RBMS1: variants seen among roughly 807,000 people sequenced by gnomAD.
RBMS1 encodes the protein RNA-binding motif, single-stranded-interacting protein 1.
A neutral mutation model predicts 62.3 loss-of-function variants in RBMS1; 17 were observed. That is an observed-to-expected ratio of 0.27 (90% CI 0.19 to 0.41). RBMS1 has a LOEUF of 0.41. Ranked by LOEUF, RBMS1 falls within the 10% of genes least tolerant of loss-of-function variation. The pLI, the probability that RBMS1 is intolerant of heterozygous loss-of-function variation, is 1.00. For missense variants in RBMS1, 334 were observed against 504.5 expected (o/e 0.66, Z 3.24); for synonymous variants, 172 against 170.0 (o/e 1.01, Z -0.09).
chr2:160,350,584 G>C (rs1692438236), intron 2 of RBMS1, among the ~76,000 whole-genome samples: 1 of 152,102 alleles, frequency 6.6e-6, no homozygotes, highest in South Asian at 2.1e-4. Context: ...GGAAAAGAAA[G>C]GAATGAACAA....
At chr2:160,316,809 T>C (rs890412761) in intron 3 of RBMS1, among the ~76,000 whole-genome samples, 2 of 151,820 alleles carry the variant, frequency 1.3e-5, no homozygotes, top group African/African-American at 2.4e-5. Context: ...AAACCACTTG[T>C]CTACTCTGAT....
chr2:160,360,180 G>C (rs1283499358), intron 2 of RBMS1, among the ~76,000 whole-genome samples: 2 of 152,136 alleles, frequency 1.3e-5, no homozygotes, highest in African/African-American at 4.8e-5. Flanking sequence ...AAAAATAAAA[G>C]CATGGTCAAA....
At chr2:160,378,968 C>T (rs1694142382) in intron 1 of RBMS1, among the ~76,000 whole-genome samples, 1 of 152,192 alleles carries the variant, frequency 6.6e-6, no homozygotes, top group African/African-American at 2.4e-5. Flanking sequence ...GCCTATAATC[C>T]CAGCACTTTG....
chr2:160,331,954 C>T (rs942244222), intron 2 of RBMS1, among the ~76,000 whole-genome samples: 2 of 152,094 alleles, frequency 1.3e-5, no homozygotes, highest in Non-Finnish European at 2.9e-5. Context: ...AAAATAGGTG[C>T]CATGGATTTG....
intron 1 of RBMS1, among the ~76,000 whole-genome samples, chr2:160,417,134 C>T (rs932276969): frequency 3.3e-5 from 5 of 152,066 alleles, no homozygotes; most frequent in Admixed American, 6.5e-5. Flanking sequence ...AGTTTTCTTG[C>T]GCGTGCACAC....
intron 1 of RBMS1, among the ~76,000 whole-genome samples, chr2:160,445,901 T>C (rs141631843): frequency 9.7e-4 from 147 of 152,256 alleles, no homozygotes; most frequent in African/African-American, 3.3e-3. Flanking sequence ...GCCTTGTTGC[T>C]GAGGTCTGAC....
intron 1 of RBMS1, among the ~76,000 whole-genome samples, chr2:160,481,074 G>A (rs1574113130): frequency 2.0e-5 from 2 of 99,364 alleles, no homozygotes; most frequent in Admixed American, 2.5e-4. Context: ...GAGTGAGACT[G>A]CCTTAAAAAA....
At chr2:160,474,933 C>T (rs994367976) in intron 1 of RBMS1, among the ~76,000 whole-genome samples, 2 of 152,226 alleles carry the variant, frequency 1.3e-5, no homozygotes, top group East Asian at 3.9e-4. Context: ...CTTTCACATT[C>T]TTGTTGAATA....
Position 160,273,606 on chromosome 2 carries a change from T to C in RBMS1, c.*1166A>G, listed in dbSNP as rs1231633055. ...CTTACTTTTAGCTTTTGCCACTTTG[T>C]TGCAATAGCAACATTTTTCGGTTTG... On this transcript the variant is annotated 3_prime_UTR_variant, in exon 14 of 14. Transcript: ENST00000348849. 1 of 152,226 alleles carries C rather than the reference T, an allele frequency of 6.6e-6. No homozygotes were observed. Among genetic ancestry groups the C allele is most frequent in the Non-Finnish European group, 1.5e-5 (1 of 68,042 alleles). 9.4% of individuals were successfully genotyped at this position (152,226 alleles called of 1,614,324 possible).
At chr2:160,368,467 C>CA (rs1412403259) in intron 1 of RBMS1, among the ~76,000 whole-genome samples, 1 of 152,132 alleles carries the variant, frequency 6.6e-6, no homozygotes, top group African/African-American at 2.4e-5. Context: ...GGAGACAAAT[C>CA]AAATCCCACA....
intron 1 of RBMS1, among the ~76,000 whole-genome samples, chr2:160,456,773 TC>T (rs572792507): frequency 9.7e-4 from 148 of 152,294 alleles, no homozygotes; most frequent in African/African-American, 3.3e-3. Flanking sequence ...CAATGTGACC[TC>T]CCCTTCTTCC....
At chr2:160,370,402 A>G (rs1693659565) in intron 1 of RBMS1, among the ~76,000 whole-genome samples, 1 of 152,194 alleles carries the variant, frequency 6.6e-6, no homozygotes, top group Non-Finnish European at 1.5e-5. Flanking sequence ...TGGGAGGCCG[A>G]GGTGGGTGGA....
chr2:160,383,536 C>T (rs1487088932), intron 1 of RBMS1, among the ~76,000 whole-genome samples: 1 of 150,780 alleles, frequency 6.6e-6, no homozygotes, highest in South Asian at 2.1e-4. Flanking sequence ...AATAAGTATA[C>T]AAAATGATGG....
chr2:160,469,884 G>A (rs1684850447), intron 1 of RBMS1, among the ~76,000 whole-genome samples: 1 of 152,154 alleles, frequency 6.6e-6, no homozygotes, highest in African/African-American at 2.4e-5. Context: ...ATCAGGGAGG[G>A]GCTAGAAATT....
Position 160,493,542 on chromosome 2 carries a change from T to TTCCTCCTCC in RBMS1, c.-188_-180dup, listed in dbSNP as rs925937562. ...AGACGTCCTCCTCCTCCTCCTCCTCTTCCTCCTCCTCCTCCTCCTCCTCCT... is the reference window on the plus strand; with the variant it reads ...AGACGTCCTCCTCCTCCTCCTCCTCTTCCTCCTCCTCCTCCTCCTCCTCCTCCTCCTCCT... On this transcript the variant is annotated 5_prime_UTR_variant, in exon 1 of 14. Coordinates refer to ENST00000348849, the MANE Select transcript of RBMS1 (RefSeq NM_016836.4). 1.5e-4 allele frequency: 76 copies of TTCCTCCTCC among 494,930 alleles called. No individual in the cohort carries two copies. The highest frequency in any genetic ancestry group is 7.4e-4 in the African/African-American group (29 of 39,388). 30.7% of individuals were successfully genotyped at this position (494,930 alleles called of 1,614,324 possible).
At chr2:160,318,036 G>A (rs1690322045) in intron 3 of RBMS1, 133 bp downstream of exon 3, 12 of 1,351,896 alleles carry the variant, frequency 8.9e-6, no homozygotes, top group Admixed American at 5.5e-5. Flanking sequence ...CACTGTGCAA[G>A]ACAGAAACTG....
In RBMS1 at chr2:160,318,229, TAAAAAAAAAAAAAA is replaced by T. The variant is rs5835799; in HGVS notation, c.252-16_252-3del. On this transcript the variant is annotated splice_polypyrimidine_tract_variant and splice_region_variant and intron_variant, in intron 2 of 13. Coordinates refer to ENST00000348849, the MANE Select transcript of RBMS1 (RefSeq NM_016836.4). Reference sequence around the variant, plus strand: ...TTTGTGGAGACTATTTTCCCATATCTAAAAAAAAAAAAAAAAAAAAAAAGGAAAAAAAGAAAAGA... The same window carrying T: ...TTTGTGGAGACTATTTTCCCATATCTAAAAAAAAAGGAAAAAAAGAAAAGA... The T allele has an allele frequency of 2.0e-5, 23 of 1,164,712 alleles. No homozygotes were observed. Among genetic ancestry groups the T allele is most frequent in the Non-Finnish European group, 2.3e-5 (21 of 930,716 alleles). 72.1% of individuals were successfully genotyped at this position (1,164,712 alleles called of 1,614,324 possible).
Position 160,277,397 on chromosome 2 carries a change from T to A in RBMS1, c.1063-14A>T, listed in dbSNP as rs769858802. The A allele has an allele frequency of 1.9e-6, 3 of 1,601,734 alleles. No individual in the cohort carries two copies. In the East Asian group the frequency reaches 6.7e-5, roughly 36 times the overall value. The stretch of plus-strand genomic sequence containing the variant: ...TGCAGGCATGTACTAGAAAGAAGAA[T>A]GAGGTCAGAATGGGCAATGGTAAAC... On this transcript the variant is annotated splice_polypyrimidine_tract_variant and intron_variant, in intron 11 of 13. Transcript: ENST00000348849.
chr2:160,429,417 TAAAAG>T (rs1030006752), intron 1 of RBMS1, among the ~76,000 whole-genome samples: 2 of 152,156 alleles, frequency 1.3e-5, no homozygotes, highest in South Asian at 2.1e-4. Context: ...TTGGAAAAAA[TAAAAG>T]AAAATCTTTT....
Sources: allele counts gnomAD v4.1 joint callset (sites outside exome capture counted in the v4.1 genomes callset), GRCh38; gene constraint gnomAD v4.1.1; transcripts MANE v1.5; gene names NCBI Gene and HGNC (gene_info 2026-07-23, HGNC 2026-07-21).